ZBTB20: variants seen among roughly 807,000 people sequenced by gnomAD.
ZBTB20 encodes the protein zinc finger and BTB domain-containing protein 20.
A neutral mutation model predicts 56.9 loss-of-function variants in ZBTB20; 9 were observed. The ratio of observed to expected loss-of-function variants is 0.16; its 90% CI spans 0.10 to 0.28. The LOEUF is 0.28. Ranked by LOEUF, ZBTB20 falls within the 10% of genes least tolerant of loss-of-function variation. The pLI, the probability that ZBTB20 is intolerant of heterozygous loss-of-function variation, is 1.00. For missense variants in ZBTB20, 655 were observed against 1,003.0 expected, an observed-to-expected ratio of 0.65 and a Z score of 4.69; for synonymous variants, 417 against 420.7, an observed-to-expected ratio of 0.99 and a Z score of 0.11.
intron 5 of ZBTB20, among the ~76,000 whole-genome samples, chr3:114,715,849 A>G (rs2064441273): frequency 6.6e-6 from 1 of 152,198 alleles, no homozygotes; most frequent in Admixed American, 6.5e-5. Context: ...CAAATGCTAA[A>G]CAAAGCTTAC....
intron 7 of ZBTB20, among the ~76,000 whole-genome samples, chr3:114,390,748 T>G (rs559240707): frequency 5.9e-5 from 9 of 152,236 alleles, no homozygotes; most frequent in Non-Finnish European, 1.2e-4. Flanking sequence ...CTTTGTCCAT[T>G]CATTCAGTGT....
chr3:114,993,517 A>G (rs1050920998), intron 2 of ZBTB20, among the ~76,000 whole-genome samples: 1 of 151,912 alleles, frequency 6.6e-6, no homozygotes, highest in African/African-American at 2.4e-5. Context: ...ATTATGATCT[A>G]AAAAGAGGTG....
chr3:114,349,746 G>GAAGTACTCT lies in ZBTB20; in HGVS notation c.1804+519_1804+527dup, dbSNP rs1340164702. Reference sequence around the variant, plus strand: ...TTATAGAGCACTTATTATATGCTTGGAAGTACTCTAAAGACTTCACATGTA... The same window carrying GAAGTACTCT: ...TTATAGAGCACTTATTATATGCTTGGAAGTACTCTAAGTACTCTAAAGACTTCACATGTA... On this transcript the variant is annotated intron_variant, in intron 11 of 11. Coordinates refer to ENST00000675478, the MANE Select transcript of ZBTB20 (RefSeq NM_001348800.3). 3.9e-5 allele frequency among the ~76,000 whole-genome samples: 6 copies of GAAGTACTCT among 152,074 alleles called. No homozygotes were observed. The East Asian group carries it at 9.6e-4, about 24-fold the overall frequency.
At chr3:114,934,619 C>T (rs2076471072) in intron 3 of ZBTB20, among the ~76,000 whole-genome samples, 1 of 152,094 alleles carries the variant, frequency 6.6e-6, no homozygotes. Flanking sequence ...TGTACTGTGG[C>T]CCTTCCTCTT....
chr3:115,135,019 T>C (rs2084616611), intron 1 of ZBTB20, among the ~76,000 whole-genome samples: 1 of 152,236 alleles, frequency 6.6e-6, no homozygotes, highest in African/African-American at 2.4e-5. Context: ...ACTTCGGTAC[T>C]TAAAATGGAT....
intron 7 of ZBTB20, among the ~76,000 whole-genome samples, chr3:114,397,273 C>A (rs1054989248): frequency 1.3e-5 from 2 of 152,108 alleles, no homozygotes; most frequent in Admixed American, 1.3e-4. Flanking sequence ...GGCAGTTTTT[C>A]TTAGTTTGTT....
At chr3:114,816,102 G>A (rs768850736) in intron 4 of ZBTB20, among the ~76,000 whole-genome samples, 5 of 152,028 alleles carry the variant, frequency 3.3e-5, no homozygotes, top group Non-Finnish European at 5.9e-5. Flanking sequence ...CATCTCCCAT[G>A]GCTCAGATTA....
intron 3 of ZBTB20, among the ~76,000 whole-genome samples, chr3:114,921,973 A>C (rs1444555468): frequency 6.6e-6 from 1 of 152,154 alleles, no homozygotes; most frequent in Non-Finnish European, 1.5e-5. Flanking sequence ...CACCAAACCA[A>C]ATTCAACAGC....
chr3:115,124,545 T>C (rs563811761), intron 1 of ZBTB20, among the ~76,000 whole-genome samples: 1 of 152,080 alleles, frequency 6.6e-6, no homozygotes, highest in Non-Finnish European at 1.5e-5. Context: ...AAGATAAAAC[T>C]CAAGAAACAA....
intron 4 of ZBTB20, among the ~76,000 whole-genome samples, chr3:114,889,292 C>T (rs1312870068): frequency 6.6e-6 from 1 of 151,768 alleles, no homozygotes; most frequent in Admixed American, 6.6e-5. Context: ...CGTTAACTTC[C>T]TAGAAAACTG....
chr3:114,442,018 T>C (rs1250827958), intron 7 of ZBTB20, among the ~76,000 whole-genome samples: 1 of 152,112 alleles, frequency 6.6e-6, no homozygotes, highest in Admixed American at 6.6e-5. Context: ...AGCTCGTGTT[T>C]GGTGGGGGTT....
At chr3:114,847,413 TA>T (rs964806917) in intron 4 of ZBTB20, among the ~76,000 whole-genome samples, 3 of 152,092 alleles carry the variant, frequency 2.0e-5, no homozygotes, top group Admixed American at 6.5e-5. Context: ...CTGGAAATGG[TA>T]ACACGGCCTA....
At chr3:114,439,020 A>T (rs2090731249) in intron 7 of ZBTB20, among the ~76,000 whole-genome samples, 2 of 152,120 alleles carry the variant, frequency 1.3e-5, no homozygotes, top group African/African-American at 4.8e-5. Context: ...TGCAACAAGG[A>T]TCAGAAAATC....
chr3:115,130,464 T>G (rs959462657), intron 1 of ZBTB20, among the ~76,000 whole-genome samples: 43 of 152,246 alleles, frequency 2.8e-4, no homozygotes, highest in Non-Finnish European at 5.6e-4. Context: ...ACATACGCTC[T>G]AAGTTTTATC....
intron 3 of ZBTB20, among the ~76,000 whole-genome samples, chr3:114,923,388 A>G (rs1435995860): frequency 1.3e-5 from 2 of 152,182 alleles, no homozygotes; most frequent in African/African-American, 4.8e-5. Context: ...AGGTCAATGG[A>G]ATAGAATTGA....
intron 5 of ZBTB20, among the ~76,000 whole-genome samples, chr3:114,750,633 C>T (rs965366400): frequency 6.6e-6 from 1 of 152,140 alleles, no homozygotes; most frequent in Non-Finnish European, 1.5e-5. Context: ...TGGTACTCAA[C>T]TGTCATCACA....
intron 6 of ZBTB20, among the ~76,000 whole-genome samples, chr3:114,635,695 C>A (rs577629364): frequency 2.0e-5 from 3 of 149,818 alleles, no homozygotes; most frequent in African/African-American, 7.4e-5. Flanking sequence ...CAGACCTAAT[C>A]AAGCAGAAGA....
At chr3:114,964,974 T>A (rs1197521500) in intron 3 of ZBTB20, among the ~76,000 whole-genome samples, 1 of 152,134 alleles carries the variant, frequency 6.6e-6, no homozygotes, top group Non-Finnish European at 1.5e-5. Context: ...GATCAAAGAA[T>A]TTGTGCCATG....
At chr3:114,447,906 C>G (rs922891819) in intron 7 of ZBTB20, among the ~76,000 whole-genome samples, 1 of 152,066 alleles carries the variant, frequency 6.6e-6, no homozygotes, top group African/African-American at 2.4e-5. Context: ...TTTCCTTTGC[C>G]CCTCCAATTT....
Sources: gnomAD v4.1 joint callset for allele counts (sites outside exome capture counted in the v4.1 genomes callset) on GRCh38, gnomAD v4.1.1 for gene constraint, MANE v1.5 for transcripts, NCBI Gene and HGNC (gene_info 2026-07-23, HGNC 2026-07-21) for gene names.